CDCP1: variants seen among roughly 807,000 people sequenced by gnomAD.
The protein encoded by CDCP1 is CUB domain-containing protein 1.
A neutral mutation model predicts 60.2 loss-of-function variants in CDCP1; 29 were observed. The ratio of observed to expected loss-of-function variants is 0.48; its 90% CI spans 0.36 to 0.66. CDCP1 has a LOEUF of 0.66. Among genes scored for constraint, CDCP1 ranks in the 30% least tolerant of loss-of-function variants. The pLI is 0.00. For missense variants in CDCP1, 876 were observed against 1,074.3 expected (o/e 0.82, Z 2.58); for synonymous variants, 387 against 431.1 (o/e 0.90, Z 1.27).
At chr3:45,087,554 G>A (rs1199702009) in intron 8 of CDCP1, among the ~76,000 whole-genome samples, 1 of 152,174 alleles carries the variant, frequency 6.6e-6, no homozygotes, top group African/African-American at 2.4e-5. Flanking sequence ...GTAACATGAT[G>A]TTTCCTTAAA....
rs751765659 is a variant in CDCP1 at position 45,112,096 on chromosome 3, G to A, written c.642C>T (p.Arg214=). 1 of 1,613,474 alleles carries A rather than the reference G, an allele frequency of 6.2e-7. No homozygotes were observed. The highest frequency in any genetic ancestry group is 1.7e-5 in the Admixed American group (1 of 60,012). ...RNVSGFSIAN[R]SSIKRLCIIE... ...GGGCTTTCTCACGTTTTATAGATGA[G>A]CGGTTTGCAATGCTGAAGCCGGAGA... The change falls in exon 3 of 9, where the codon CGC becomes CGT. Residue 214 remains arginine, a synonymous_variant. Coordinates refer to ENST00000296129, the MANE Select transcript of CDCP1 (RefSeq NM_022842.5).
intron 1 of CDCP1, among the ~76,000 whole-genome samples, chr3:45,144,796 A>T (rs953463043): frequency 3.3e-5 from 5 of 152,284 alleles, no homozygotes; most frequent in Admixed American, 3.3e-4. Context: ...TTATTCTTAA[A>T]CTAATTCTTT....
At chr3:45,099,231 A>T (rs958337231) in intron 4 of CDCP1, among the ~76,000 whole-genome samples, 1 of 151,934 alleles carries the variant, frequency 6.6e-6, no homozygotes, top group African/African-American at 2.4e-5. Context: ...TTGTAGGTCT[A>T]AAAATGTCTT....
chr3:45,119,106 C>T (rs1698841336), intron 1 of CDCP1, among the ~76,000 whole-genome samples: 1 of 152,118 alleles, frequency 6.6e-6, no homozygotes, highest in Non-Finnish European at 1.5e-5. Context: ...TACGTACATA[C>T]ATACATATGT....
Position 45,126,108 on chromosome 3 carries a change from CTCTTTCTTTCTTTCTTTCTT to C in CDCP1, c.83-7507_83-7488del, listed in dbSNP as rs72581928. On this transcript the variant is annotated intron_variant, in intron 1 of 8. Transcript: ENST00000296129. The stretch of plus-strand genomic sequence containing the variant: ...AACTGCTGCCATTCTTTGTCTCTCT[CTCTTTCTTTCTTTCTTTCTT>C]TCTTTCTTTCTTTCTTTCTTTCTTT... Among the ~76,000 whole-genome samples the C allele has an allele frequency of 4.5e-3, 492 of 110,036 alleles. 1 individual carries two copies. Among genetic ancestry groups the C allele is most frequent in the African/African-American group, 0.017 (469 of 26,942 alleles). 72.2% of individuals were successfully genotyped at this position (110,036 alleles called of 152,430 possible). A position where few individuals can be genotyped will look rare whatever the true frequency, so the allele number is the denominator to read the frequency against.
At chr3:45,121,110 G>A (rs564820553) in intron 1 of CDCP1, among the ~76,000 whole-genome samples, 43 of 152,272 alleles carry the variant, frequency 2.8e-4, no homozygotes, top group Non-Finnish European at 3.4e-4. Context: ...TGTCTTCACC[G>A]CATTTAATTT....
intron 1 of CDCP1, among the ~76,000 whole-genome samples, chr3:45,121,756 T>C (rs1298622654): frequency 1.3e-5 from 2 of 152,196 alleles, no homozygotes; most frequent in East Asian, 3.8e-4. Context: ...ACGATAGCAG[T>C]GATTACACCT....
chr3:45,102,294 C>A (rs1433589626), intron 4 of CDCP1, among the ~76,000 whole-genome samples: 1 of 152,078 alleles, frequency 6.6e-6, no homozygotes, highest in East Asian at 1.9e-4. Flanking sequence ...TGGCTTTGAA[C>A]TCCTGACATC....
At chr3:45,119,252 A>G (rs1437704915) in intron 1 of CDCP1, among the ~76,000 whole-genome samples, 1 of 152,250 alleles carries the variant, frequency 6.6e-6, no homozygotes, top group African/African-American at 2.4e-5. Context: ...CACCTGAGCA[A>G]ACAGTATCAA....
In CDCP1 at chr3:45,091,070, AG is replaced by A; in HGVS notation, c.1993+102del. On this transcript the variant is annotated intron_variant, in intron 7 of 8. Transcript: ENST00000296129. This position sits in a 1 kb window ranked among gnomAD's most constrained non-coding sequence, Gnocchi z 4.8. ...ATAGCTGACTGATACATGGACAGTC[AG>A]GACTCAATCTGTGATTCTGACTTGT... is the stretch of plus-strand genomic sequence containing the variant. The A allele has an allele frequency of 7.7e-7, 1 of 1,294,152 alleles. No individual in the cohort carries two copies. 80.2% of individuals were successfully genotyped at this position (1,294,152 alleles called of 1,614,324 possible).
chr3:45,136,961 G>C (rs1030438746), intron 1 of CDCP1, among the ~76,000 whole-genome samples: 1 of 152,150 alleles, frequency 6.6e-6, no homozygotes, highest in Non-Finnish European at 1.5e-5. Flanking sequence ...AGGACCCATT[G>C]AATTATACAA....
At chr3:45,128,665 C>T (rs2126005155) in intron 1 of CDCP1, among the ~76,000 whole-genome samples, 1 of 152,358 alleles carries the variant, frequency 6.6e-6, no homozygotes, top group East Asian at 1.9e-4. Flanking sequence ...ACTCTTAATT[C>T]TCAAGGTCCT....
rs1698136930 is a variant in CDCP1, at chr3:45,083,526, G to A, written c.*2112C>T. 1 of 152,174 alleles carries A rather than the reference G, an allele frequency of 6.6e-6. No homozygotes were observed. Among genetic ancestry groups the A allele is most frequent in the African/African-American group, 2.4e-5 (1 of 41,436 alleles). 9.4% of individuals were successfully genotyped at this position (152,174 alleles called of 1,614,324 possible). A position where few individuals can be genotyped will look rare whatever the true frequency, so the allele number is the denominator to read the frequency against. On this transcript the variant is annotated 3_prime_UTR_variant, in exon 9 of 9. Transcript: ENST00000296129. ...GAAATATTGAACTTGGGACTGTGCTGACAAGCTATAACATAATCCCTCTCC... is the reference window on the plus strand; with the variant it reads ...GAAATATTGAACTTGGGACTGTGCTAACAAGCTATAACATAATCCCTCTCC...
At chr3:45,088,668 C>T (rs956165901) in intron 8 of CDCP1, among the ~76,000 whole-genome samples, 8 of 152,198 alleles carry the variant, frequency 5.3e-5, no homozygotes, top group African/African-American at 1.2e-4. Context: ...AACACACATT[C>T]GTTCTCCTTA....
chr3:45,121,076 T>C (rs568844199), intron 1 of CDCP1, among the ~76,000 whole-genome samples: 1 of 152,300 alleles, frequency 6.6e-6, no homozygotes, highest in South Asian at 2.1e-4. Flanking sequence ...CAACTCCATA[T>C]AAAACTATTA....
chr3:45,115,829 G>A (rs908891694), intron 2 of CDCP1, among the ~76,000 whole-genome samples: 1 of 151,900 alleles, frequency 6.6e-6, no homozygotes, highest in Non-Finnish European at 1.5e-5. Flanking sequence ...TCAGCCTCCC[G>A]AGTAGCTGGG....
At chr3:45,109,544 A>G (rs890687167) in intron 4 of CDCP1, among the ~76,000 whole-genome samples, 2 of 151,790 alleles carry the variant, frequency 1.3e-5, no homozygotes, top group African/African-American at 4.8e-5. Context: ...ACTTGCCACA[A>G]CTCACTCCTT....
chr3:45,089,073 T>C lies in CDCP1; in HGVS notation c.2062A>G (p.Ile688Val), dbSNP rs532733195. The change falls in exon 8 of 9, where the codon ATT becomes GTT. Residue 688 changes from isoleucine to valine, a missense_variant. Transcript: ENST00000296129. The stretch of plus-strand genomic sequence containing the variant: ...ACCTACTTCTTTTTCACACAGCAAA[T>C]GATGAGCCCGAGGGCAGACAGCAGT... ...VLLLSALGLI[I>V]CCVKKKKKKT... The C allele has an allele frequency of 2.2e-5, 35 of 1,613,784 alleles. No individual in the cohort carries two copies. The South Asian group carries it at 3.3e-4, about 15-fold the overall frequency.
intron 1 of CDCP1, among the ~76,000 whole-genome samples, chr3:45,131,192 T>A (rs796218163): frequency 1.6e-4 from 24 of 151,442 alleles, no homozygotes; most frequent in African/African-American, 5.6e-4. Context: ...AAATTTTTTT[T>A]ATTGTGGTTA....
Sources: allele counts gnomAD v4.1 joint callset (sites outside exome capture counted in the v4.1 genomes callset), GRCh38; gene constraint gnomAD v4.1.1; non-coding constraint Gnocchi (gnomAD v3.1); transcripts MANE v1.5; gene names NCBI Gene and HGNC (gene_info 2026-07-23, HGNC 2026-07-21).